SLC45A4: variants seen among roughly 807,000 people sequenced by gnomAD.
SLC45A4 encodes polyamine-transporter SLC45A4.
SLC45A4 carries 32 observed loss-of-function variants against 63.7 expected under a neutral mutation model. That is an observed-to-expected ratio of 0.50 (90% confidence interval 0.38 to 0.67). The LOEUF (loss-of-function observed/expected upper bound fraction) is 0.67, where lower values mean the gene tolerates loss of function less well. Among genes scored for constraint, SLC45A4 ranks in the 30% least tolerant of loss-of-function variants. SLC45A4 has a pLI of 0.00. For missense variants in SLC45A4, 1,027 were observed against 1,157.7 expected (o/e 0.89, Z 1.64); for synonymous variants, 535 against 510.0 (o/e 1.05, Z -0.66).
At chr8:141,275,694 T>C (rs780700585) in intron 1 of SLC45A4, among the ~76,000 whole-genome samples, 1 of 151,758 alleles carries the variant, frequency 6.6e-6, no homozygotes, top group South Asian at 2.1e-4. Flanking sequence ...CCAAAAAAGA[T>C]TGGTAAAATA....
chr8:141,285,722 G>C (rs763667396), intron 1 of SLC45A4, among the ~76,000 whole-genome samples: 1 of 152,202 alleles, frequency 6.6e-6, no homozygotes, highest in Non-Finnish European at 1.5e-5. Context: ...AACCCACGGC[G>C]GAAAGCACGA....
At chr8:141,237,268 G>A (rs144441025) in intron 2 of SLC45A4, among the ~76,000 whole-genome samples, 1,953 of 152,250 alleles carry the variant, frequency 0.013, 17 homozygotes, top group Non-Finnish European at 0.018. Context: ...AAGGCCTCCT[G>A]TGATGTCGTC....
In SLC45A4 at chr8:141,278,771, C is replaced by T. The variant is rs1048077686; in HGVS notation, c.-400-24142G>A. ...ACGTCTCAACAAGGCACAGACGCAC[C>T]CGCAAGGGAGTGGGCAGCACTGCAG... is the stretch of plus-strand genomic sequence containing the variant. On this transcript the variant is annotated intron_variant, in intron 1 of 8. Coordinates refer to ENST00000517878, the MANE Select transcript of SLC45A4 (RefSeq NM_001286646.2). The surrounding 1 kb of genome is among the most constrained non-coding windows in gnomAD (Gnocchi z 4.1). 3.3e-5 allele frequency among the ~76,000 whole-genome samples: 5 copies of T among 152,268 alleles called. No individual in the cohort carries two copies. The highest frequency in any genetic ancestry group is 3.3e-4 in the Admixed American group (5 of 15,288).
intron 6 of SLC45A4, among the ~76,000 whole-genome samples, chr8:141,216,634 G>GACCCCTGACCCAATT: frequency 6.6e-6 from 1 of 152,354 alleles, no homozygotes; most frequent in South Asian, 2.1e-4. Context: ...TCGGCTCAGA[G>GACCCCTGACCCAATT]ACCCCTGACC....
Position 141,219,792 on chromosome 8 carries a change from A to G in SLC45A4, c.468T>C (p.Ile156=), listed in dbSNP as rs2304279. ...CTCCCAGCACCGTGAGCACGATGCCAATGGGCTGCCGGTTGGGGACATCGC... is the reference window on the plus strand; with the variant it reads ...CTCCCAGCACCGTGAGCACGATGCCGATGGGCTGCCGGTTGGGGACATCGC... ...ALGDVPNRQP[I]GIVLTVLGVV... is the part of the protein sequence containing the mutation. The change falls in exon 4 of 9, where the codon ATT becomes ATC. Residue 156 remains isoleucine, a synonymous_variant. Transcript: ENST00000517878. 966,443 of 1,592,242 alleles carry G rather than the reference A, an allele frequency of 0.61. 296,453 individuals carry two copies. Among genetic ancestry groups the G allele is most frequent in the East Asian group, 0.83 (35,848 of 43,310 alleles).
intron 2 of SLC45A4, chr8:141,225,311 C>T (rs1174333076): frequency 6.6e-6 from 1 of 152,220 alleles, no homozygotes; most frequent in East Asian, 1.9e-4. Context: ...GAAATTCCCG[C>T]CCCATCTCCT....
At chr8:141,301,760 A>AAAAAAAAAAAAAAAAAC (rs1259440451) in intron 1 of SLC45A4, among the ~76,000 whole-genome samples, 3 of 125,894 alleles carry the variant, frequency 2.4e-5, no homozygotes, top group African/African-American at 2.8e-5. Flanking sequence ...AAAAAAAAAA[A>AAAAAAAAAAAAAAAAAC]AATCCTGGGC....
intron 1 of SLC45A4, among the ~76,000 whole-genome samples, chr8:141,260,020 T>G (rs1186832489): frequency 1.3e-5 from 2 of 152,138 alleles, no homozygotes; most frequent in African/African-American, 4.8e-5. Flanking sequence ...GTCCCTGAAG[T>G]CCTCATGAAA....
chr8:141,233,132 G>A (rs1282230945), intron 2 of SLC45A4, among the ~76,000 whole-genome samples: 2 of 152,238 alleles, frequency 1.3e-5, no homozygotes, highest in South Asian at 4.1e-4. Context: ...TTTTCACAAT[G>A]GATGTGTTAA....
At chr8:141,240,186 C>A (rs1827841285) in intron 2 of SLC45A4, among the ~76,000 whole-genome samples, 1 of 152,232 alleles carries the variant, frequency 6.6e-6, no homozygotes, top group Non-Finnish European at 1.5e-5. Flanking sequence ...ACTTCCCCCA[C>A]AAATAAATCT....
In SLC45A4 at chr8:141,227,760, GAA is replaced by G. The variant is rs1281880234; in HGVS notation, c.242-5997_242-5996del. On this transcript the variant is annotated intron_variant, in intron 2 of 8. Coordinates refer to ENST00000517878, the MANE Select transcript of SLC45A4 (RefSeq NM_001286646.2). The surrounding 1 kb of genome is among the most constrained non-coding windows in gnomAD (Gnocchi z 4.4). ...AGCCACAGGAAGATAGGGAGGGGGT[GAA>G]AAGAGGGGCAAGCTCAGGTGCTTTT... Among the ~76,000 whole-genome samples, 4 of 152,204 alleles carry G rather than the reference GAA, an allele frequency of 2.6e-5. No homozygotes were observed. The highest frequency in any genetic ancestry group is 4.8e-5 in the African/African-American group (2 of 41,456).
At chr8:141,307,037 C>G (rs1231780350) in intron 1 of SLC45A4, among the ~76,000 whole-genome samples, 2 of 152,172 alleles carry the variant, frequency 1.3e-5, no homozygotes. Context: ...CATCAGTGAC[C>G]CGCACTGGAG....
At chr8:141,291,666 G>A (rs1830352124) in intron 1 of SLC45A4, among the ~76,000 whole-genome samples, 1 of 152,184 alleles carries the variant, frequency 6.6e-6, no homozygotes, top group Non-Finnish European at 1.5e-5. Flanking sequence ...ACGACTACAG[G>A]TAAAACTACT....
chr8:141,223,097 G>A (rs1428594299), intron 2 of SLC45A4, among the ~76,000 whole-genome samples: 1 of 152,216 alleles, frequency 6.6e-6, no homozygotes, highest in African/African-American at 2.4e-5. Flanking sequence ...TGTGGGAGGA[G>A]GAAATCATTT....
chr8:141,266,337 G>A (rs1044828453), intron 1 of SLC45A4, among the ~76,000 whole-genome samples: 3 of 152,144 alleles, frequency 2.0e-5, no homozygotes, highest in Non-Finnish European at 2.9e-5. Flanking sequence ...TCATGAGAAC[G>A]GCTGTGTGTT....
chr8:141,244,968 G>GA (rs58208412), intron 2 of SLC45A4, among the ~76,000 whole-genome samples: 1 of 71,836 alleles, frequency 1.4e-5, no homozygotes, highest in African/African-American at 4.0e-5. Context: ...GGGGGGGGGG[G>GA]GCGGTGTGGA....
intron 2 of SLC45A4, among the ~76,000 whole-genome samples, chr8:141,238,575 G>A (rs1827744113): frequency 1.3e-5 from 2 of 152,062 alleles, no homozygotes; most frequent in Admixed American, 6.5e-5. Flanking sequence ...GCTTTTCACC[G>A]AGTCTATCCA....
intron 2 of SLC45A4, among the ~76,000 whole-genome samples, chr8:141,238,397 G>A (rs562212763): frequency 6.6e-6 from 1 of 152,234 alleles, no homozygotes; most frequent in South Asian, 2.1e-4. Context: ...AGACTGCCGT[G>A]CAACCATCAC....
intron 1 of SLC45A4, among the ~76,000 whole-genome samples, chr8:141,271,970 CTGCGTACACACA>C (rs1306487335): frequency 6.6e-6 from 1 of 150,772 alleles, no homozygotes; most frequent in Non-Finnish European, 1.5e-5. Flanking sequence ...TGCAACACAC[CTGCGTACACACA>C]TGCACCCATA....
Sources: gnomAD v4.1 joint callset for allele counts (sites outside exome capture counted in the v4.1 genomes callset) on GRCh38, gnomAD v4.1.1 for gene constraint, Gnocchi (gnomAD v3.1) non-coding constraint, MANE v1.5 for transcripts, NCBI Gene and HGNC (gene_info 2026-07-23, HGNC 2026-07-21) for gene names.